Variants in ANKFN1 observed in about 807,000 individuals in gnomAD.
ANKFN1 encodes ankyrin repeat and fibronectin type III domain containing 1.
Under a neutral mutation model 108.7 loss-of-function variants are expected in ANKFN1, and 74 were observed. The observed-to-expected ratio is 0.68, with a 90% confidence interval of 0.56 to 0.83. The LOEUF (loss-of-function observed/expected upper bound fraction) is 0.83, where lower values mean the gene tolerates loss of function less well. Among genes scored for constraint, ANKFN1 ranks in the 40% least tolerant of loss-of-function variants. The pLI is 0.00. For missense variants in ANKFN1, 1,505 were observed against 1,382.3 expected (o/e 1.09, Z -1.41); for synonymous variants, 547 against 516.2 (o/e 1.06, Z -0.81).
intron 4 of ANKFN1, among the ~76,000 whole-genome samples, chr17:56,139,488 T>C (rs371228304): frequency 3.9e-5 from 6 of 152,188 alleles, no homozygotes; most frequent in Admixed American, 3.9e-4. Context: ...GCTCAGTTGG[T>C]TGCCAAATTT....
intron 8 of ANKFN1, among the ~76,000 whole-genome samples, chr17:56,383,340 G>T (rs1315918026): frequency 1.3e-5 from 2 of 151,926 alleles, no homozygotes; most frequent in Non-Finnish European, 2.9e-5. Flanking sequence ...GTGTGTAGAG[G>T]GAAATTTATA....
At chr17:56,424,730 C>T (rs2048505035) in intron 8 of ANKFN1, among the ~76,000 whole-genome samples, 1 of 152,174 alleles carries the variant, frequency 6.6e-6, no homozygotes, top group East Asian at 1.9e-4. Context: ...CTACTTTATT[C>T]TCTGCAAAGG....
chr17:56,326,305 T>G lies in ANKFN1; in HGVS notation c.138T>G (p.Thr46=), dbSNP rs1310217063. 1.2e-6 allele frequency: 2 copies of G among 1,613,938 alleles called. No individual in the cohort carries two copies. The highest frequency in any genetic ancestry group is 1.7e-6 in the Non-Finnish European group (2 of 1,179,924). The change falls in exon 4 of 21, where the codon ACT becomes ACG. Residue 46 remains threonine, a synonymous_variant. Coordinates refer to ENST00000682825, the MANE Select transcript of ANKFN1 (RefSeq NM_001370326.1). ...AATGTGATTTATTGAATGAAAGCACTGGACAATTACCAACAACTTGTTCCT... is the reference window on the plus strand; with the variant it reads ...AATGTGATTTATTGAATGAAAGCACGGGACAATTACCAACAACTTGTTCCT... ...QSQCDLLNES[T]GQLPTTCSSA...
At chr17:56,294,081 C>T (rs1466452143) in intron 3 of ANKFN1, among the ~76,000 whole-genome samples, 3 of 152,192 alleles carry the variant, frequency 2.0e-5, no homozygotes, top group African/African-American at 7.2e-5. Context: ...TGTTGGTTCA[C>T]CTCCATCACC....
intron 4 of ANKFN1, among the ~76,000 whole-genome samples, chr17:56,138,566 G>A (rs1228772908): frequency 6.7e-6 from 1 of 149,294 alleles, no homozygotes; most frequent in Non-Finnish European, 1.5e-5. Flanking sequence ...CTGGATTGCA[G>A]TGGCATGATC....
intron 4 of ANKFN1, among the ~76,000 whole-genome samples, chr17:56,075,039 A>G (rs1905165286): frequency 6.6e-6 from 1 of 152,250 alleles, no homozygotes; most frequent in South Asian, 2.1e-4. Flanking sequence ...CAGATTAAAA[A>G]TGATATGGAA....
intron 4 of ANKFN1, among the ~76,000 whole-genome samples, chr17:56,085,180 C>CATATATATAT (rs10572105): frequency 2.3e-4 from 32 of 137,756 alleles, no homozygotes; most frequent in African/African-American, 8.7e-4. Context: ...CCCTCCAAAG[C>CATATATATAT]ATATATATAT....
intron 4 of ANKFN1, among the ~76,000 whole-genome samples, chr17:56,110,137 C>G (rs907670470): frequency 6.6e-6 from 1 of 152,208 alleles, no homozygotes; most frequent in Non-Finnish European, 1.5e-5. Context: ...AAGAACCCGA[C>G]TGAGCCCTGC....
At position 56,323,941 on chromosome 17, in the gene ANKFN1, A is replaced by C. The variant is rs201379279; in HGVS notation, c.54-2280A>C. ...GTATAAGGTGTCGTGCTTTCAGACC[A>C]CAGAGCAGGGACCCTAACAGCCTAG... On this transcript the variant is annotated intron_variant, in intron 3 of 20. Transcript: ENST00000682825. 6.3e-4 allele frequency among the ~76,000 whole-genome samples: 96 copies of C among 152,304 alleles called. 1 individual carries two copies. Among genetic ancestry groups the C allele is most frequent in the East Asian group, 5.4e-3 (28 of 5,184 alleles).
chr17:56,360,136 T>A (rs1337388192), intron 6 of ANKFN1, among the ~76,000 whole-genome samples: 2 of 152,170 alleles, frequency 1.3e-5, no homozygotes, highest in East Asian at 3.8e-4. Flanking sequence ...GAGCCCTCAA[T>A]ATTTTTTTCT....
At chr17:56,136,216 C>T (rs565805572) in intron 4 of ANKFN1, among the ~76,000 whole-genome samples, 1 of 152,064 alleles carries the variant, frequency 6.6e-6, no homozygotes. Context: ...CCATTCACTG[C>T]CCCCCATGGA....
At chr17:56,289,751 C>G (rs564756927) in intron 3 of ANKFN1, among the ~76,000 whole-genome samples, 1 of 152,348 alleles carries the variant, frequency 6.6e-6, no homozygotes, top group South Asian at 2.1e-4. Context: ...TGGCACTCTT[C>G]ACTCAATAGC....
intron 3 of ANKFN1, among the ~76,000 whole-genome samples, chr17:56,257,333 TC>T (rs2043383758): frequency 6.6e-6 from 1 of 152,228 alleles, no homozygotes; most frequent in Non-Finnish European, 1.5e-5. Flanking sequence ...GAGTCACTGT[TC>T]CTTGCCTTTG....
In ANKFN1 at chr17:56,499,111, A is replaced by C. The variant is rs1285497039; in HGVS notation, c.2644+13A>C. 1.3e-6 allele frequency: 2 copies of C among 1,534,724 alleles called. No homozygotes were observed. Among genetic ancestry groups the C allele is most frequent in the South Asian group, 1.2e-5 (1 of 83,940 alleles). ...AAGACAGTGAGTGGTAAGCAATGAGATCTGAAGTTCTGTTGTTTAGTCCCT... is the reference window on the plus strand; with the variant it reads ...AAGACAGTGAGTGGTAAGCAATGAGCTCTGAAGTTCTGTTGTTTAGTCCCT... On this transcript the variant is annotated intron_variant, in intron 20 of 20. Coordinates refer to ENST00000682825, the MANE Select transcript of ANKFN1 (RefSeq NM_001370326.1).
chr17:56,085,951 C>T (rs1030438258), intron 4 of ANKFN1, among the ~76,000 whole-genome samples: 3 of 150,384 alleles, frequency 2.0e-5, no homozygotes, highest in African/African-American at 7.3e-5. Context: ...TTAGAAGATG[C>T]AAAAGAAGGA....
At chr17:56,274,502 A>G (rs76872384) in intron 3 of ANKFN1, among the ~76,000 whole-genome samples, 2,662 of 152,242 alleles carry the variant, frequency 0.017, 66 homozygotes, top group African/African-American at 0.061. Context: ...TAATTCTACT[A>G]TAGGCAGAAG....
At chr17:56,508,288 C>T (rs1419859535) in intron 20 of ANKFN1, among the ~76,000 whole-genome samples, 1 of 152,210 alleles carries the variant, frequency 6.6e-6, no homozygotes, top group Admixed American at 6.5e-5. Flanking sequence ...CCACTGGCTA[C>T]AAAATAAGGT....
At chr17:56,385,636 C>T (rs2047240719) in intron 8 of ANKFN1, among the ~76,000 whole-genome samples, 1 of 152,092 alleles carries the variant, frequency 6.6e-6, no homozygotes, top group Admixed American at 6.5e-5. Context: ...AAAAAACGAA[C>T]AACCCCATCA....
intron 4 of ANKFN1, among the ~76,000 whole-genome samples, chr17:56,117,872 A>C (rs1906372914): frequency 1.3e-5 from 2 of 152,150 alleles, no homozygotes; most frequent in Admixed American, 6.6e-5. Context: ...AGTACCTATT[A>C]GCAGTCCCTA....
Sources: gnomAD v4.1 joint callset for allele counts (sites outside exome capture counted in the v4.1 genomes callset) on GRCh38, gnomAD v4.1.1 for gene constraint, MANE v1.5 for transcripts, NCBI Gene and HGNC (gene_info 2026-07-23, HGNC 2026-07-21) for gene names.